The following DCC variants were observed in gnomAD, a reference collection of about 807,000 sequenced individuals.
The protein encoded by DCC is netrin receptor DCC.
DCC carries 58 observed loss-of-function variants against 172.5 expected under a neutral mutation model. The ratio of observed to expected loss-of-function variants is 0.34; its 90% CI spans 0.27 to 0.42. DCC has a LOEUF of 0.42. DCC is among the 10% of genes least tolerant of loss of function. The pLI is 1.00. For synonymous variants in DCC, 709 were observed against 644.5 expected (o/e 1.10, Z -1.52); for missense variants, 1,740 against 1,791.0 (o/e 0.97, Z 0.51).
At chr18:53,354,779 A>T (rs2057857754) in intron 15 of DCC, among the ~76,000 whole-genome samples, 1 of 127,750 alleles carries the variant, frequency 7.8e-6, no homozygotes, top group African/African-American at 3.1e-5. Context: ...TCCATTTGTC[A>T]ATTTTGGCTT....
At chr18:52,920,178 C>T (rs766674732) in intron 3 of DCC, among the ~76,000 whole-genome samples, 5 of 151,792 alleles carry the variant, frequency 3.3e-5, no homozygotes, top group South Asian at 4.2e-4. Context: ...CTAGGTATAA[C>T]GTCTAAATAA....
chr18:52,655,773 A>T (rs1360595368), intron 1 of DCC, among the ~76,000 whole-genome samples: 2 of 152,054 alleles, frequency 1.3e-5, no homozygotes, highest in African/African-American at 4.8e-5. Flanking sequence ...TTTAAAAAAT[A>T]GTTAATCCAT....
At chr18:53,502,164 C>G (rs2046109035) in intron 27 of DCC, among the ~76,000 whole-genome samples, 2 of 152,044 alleles carry the variant, frequency 1.3e-5, no homozygotes, top group Non-Finnish European at 2.9e-5. Flanking sequence ...CTCTTCTTTC[C>G]TATTTTCAGA....
chr18:53,357,727 G>T (rs2057892805), intron 15 of DCC, among the ~76,000 whole-genome samples: 1 of 152,154 alleles, frequency 6.6e-6, no homozygotes, highest in Non-Finnish European at 1.5e-5. Context: ...TTAGAAAGGA[G>T]GGTAGATTTA....
chr18:53,109,660 C>T (rs763721533), intron 7 of DCC, among the ~76,000 whole-genome samples: 3 of 150,352 alleles, frequency 2.0e-5, no homozygotes, highest in Non-Finnish European at 3.0e-5. Context: ...TAACCCCAGG[C>T]AATTTTCGTC....
chr18:53,319,387 A>G (rs1210609980), intron 13 of DCC, among the ~76,000 whole-genome samples: 1 of 152,206 alleles, frequency 6.6e-6, no homozygotes, highest in Non-Finnish European at 1.5e-5. Context: ...GCAGAGACAC[A>G]CATAGGCTCA....
At chr18:52,727,429 T>G (rs1474609682) in intron 1 of DCC, among the ~76,000 whole-genome samples, 1 of 152,150 alleles carries the variant, frequency 6.6e-6, no homozygotes, top group African/African-American at 2.4e-5. Flanking sequence ...GACAGTGTAA[T>G]GAATAACAGA....
At position 52,500,855 on chromosome 18, in the gene DCC, T is replaced by C. The variant is rs543208458; in HGVS notation, c.91+159977T>C. Among the ~76,000 whole-genome samples, 3 of 152,276 alleles carry C rather than the reference T, an allele frequency of 2.0e-5. No individual in the cohort carries two copies. The East Asian group carries it at 5.8e-4, about 29-fold the overall frequency. On this transcript the variant is annotated intron_variant, in intron 1 of 28. Coordinates refer to ENST00000442544, the MANE Select transcript of DCC (RefSeq NM_005215.4). ...CTTTTTGATTCTTAATTTCCTCAGC[T>C]GCAAAATGGGGATAAAATATTTACT...
chr18:53,077,522 C>T (rs757489571), intron 7 of DCC, among the ~76,000 whole-genome samples: 51 of 152,218 alleles, frequency 3.4e-4, no homozygotes, highest in South Asian at 6.2e-4. Flanking sequence ...TGTAATTCAC[C>T]CCATGAACTG....
At chr18:52,434,000 C>T (rs1163942948) in intron 1 of DCC, among the ~76,000 whole-genome samples, 1 of 152,122 alleles carries the variant, frequency 6.6e-6, no homozygotes, top group Non-Finnish European at 1.5e-5. Flanking sequence ...GCCATGTAAG[C>T]AGTAGTTCCT....
At chr18:52,743,451 G>A (rs188163785) in intron 1 of DCC, among the ~76,000 whole-genome samples, 9 of 152,230 alleles carry the variant, frequency 5.9e-5, no homozygotes, top group East Asian at 1.9e-4. Flanking sequence ...AATGTTACTT[G>A]TTGGGCTGGA....
Position 52,906,202 on chromosome 18 carries a change from G to C in DCC, c.571G>C (p.Val191Leu). The change falls in exon 3 of 29, where the codon GTC becomes CTC. Residue 191 changes from valine (V) to leucine (L), a missense_variant. Val to Leu is a conservative substitution (Grantham distance 32). Around this residue, in one of 2 missense-constraint regions of DCC, gnomAD observed 1,732 missense variants for 1,767.4 expected, o/e 0.98. Coordinates refer to ENST00000442544, the MANE Select transcript of DCC (RefSeq NM_005215.4). Reference sequence around the variant, plus strand: ...AATCCCAGGTGACTCCCGAGTGGTGGTCTTGCCCTCTGGAGCATTGCAGAT... The same window carrying C: ...AATCCCAGGTGACTCCCGAGTGGTGCTCTTGCCCTCTGGAGCATTGCAGAT... ...TPIPGDSRVV[V>L]LPSGALQISR... 6.2e-7 allele frequency: 1 copy of C among 1,613,940 alleles called. No homozygotes were observed. Among genetic ancestry groups the C allele is most frequent in the Non-Finnish European group, 8.5e-7 (1 of 1,179,960 alleles).
chr18:53,100,266 T>C (rs2144214581), intron 7 of DCC, among the ~76,000 whole-genome samples: 1 of 152,124 alleles, frequency 6.6e-6, no homozygotes, highest in Non-Finnish European at 1.5e-5. Flanking sequence ...ACTTTCCATT[T>C]CCCTTATACC....
intron 1 of DCC, among the ~76,000 whole-genome samples, chr18:52,634,325 C>G (rs911355369): frequency 6.6e-6 from 1 of 152,162 alleles, no homozygotes; most frequent in African/African-American, 2.4e-5. Flanking sequence ...ATGCATTATG[C>G]ATATTATTTC....
rs2039113868 is a variant in DCC at position 52,859,952 on chromosome 18, A to G, written c.413-46092A>G. 2.6e-5 allele frequency among the ~76,000 whole-genome samples: 4 copies of G among 152,214 alleles called. No homozygotes were observed. The South Asian group carries it at 6.2e-4, about 24-fold the overall frequency. ...AGGATAAGCAAAAAGATAAATAAATAAATAAATAAATACATTATTCCATAT... is the reference window on the plus strand; with the variant it reads ...AGGATAAGCAAAAAGATAAATAAATGAATAAATAAATACATTATTCCATAT... On this transcript the variant is annotated intron_variant, in intron 2 of 28. Transcript: ENST00000442544.
At chr18:53,492,830 T>TTAAAG (rs1297574191) in intron 26 of DCC, among the ~76,000 whole-genome samples, 15 of 152,196 alleles carry the variant, frequency 9.9e-5, no homozygotes, top group Admixed American at 9.8e-4. Context: ...CATATGAAAT[T>TTAAAG]TAAAGTAGTT....
At chr18:52,859,310 A>G (rs1385193645) in intron 2 of DCC, among the ~76,000 whole-genome samples, 1 of 152,120 alleles carries the variant, frequency 6.6e-6, no homozygotes, top group Non-Finnish European at 1.5e-5. Flanking sequence ...CTTTCTCTTC[A>G]CCTTCTGAAG....
chr18:52,452,696 C>G (rs1291064271), intron 1 of DCC, among the ~76,000 whole-genome samples: 5 of 152,152 alleles, frequency 3.3e-5, no homozygotes, highest in African/African-American at 1.2e-4. Context: ...ACTAGTGGTC[C>G]AGTACAATAA....
intron 4 of DCC, among the ~76,000 whole-genome samples, chr18:52,924,817 C>G (rs1199949104): frequency 6.6e-6 from 1 of 151,974 alleles, no homozygotes; most frequent in Non-Finnish European, 1.5e-5. Flanking sequence ...CTGCGTATAG[C>G]CAAGCACTCT....
Sources: gnomAD v4.1 joint callset for allele counts (sites outside exome capture counted in the v4.1 genomes callset) on GRCh38, gnomAD v4.1.1 for gene constraint, gnomAD v4.1.1 regional missense constraint, MANE v1.5 for transcripts, NCBI Gene and HGNC (gene_info 2026-07-23, HGNC 2026-07-21) for gene names.